Variants in LEMD3 observed in about 807,000 individuals in gnomAD.
LEMD3 encodes LEM domain containing 3, also known as inner nuclear membrane protein Man1.
LEMD3 carries 33 observed loss-of-function variants against 95.2 expected under a neutral mutation model. The observed-to-expected ratio is 0.35, with a 90% confidence interval of 0.26 to 0.46. The LOEUF is 0.46. LEMD3 is among the 20% of genes least tolerant of loss of function. LEMD3 has a pLI of 1.00. For missense variants in LEMD3, 1,210 were observed against 1,192.8 expected (o/e 1.01, Z -0.21); for synonymous variants, 525 against 474.6 (o/e 1.11, Z -1.38).
At chr12:65,241,468 T>G (rs1003540090) in intron 9 of LEMD3, among the ~76,000 whole-genome samples, 1 of 151,692 alleles carries the variant, frequency 6.6e-6, no homozygotes, top group Non-Finnish European at 1.5e-5. Context: ...AGTCATAACT[T>G]TTTAACTGCT....
At chr12:65,212,640 C>G (rs1869977809) in intron 2 of LEMD3, among the ~76,000 whole-genome samples, 1 of 151,922 alleles carries the variant, frequency 6.6e-6, no homozygotes, top group Admixed American at 6.6e-5. Context: ...TAGAGTCACC[C>G]TATAGATTTT....
intron 9 of LEMD3, among the ~76,000 whole-genome samples, chr12:65,241,378 A>C (rs1253867726): frequency 6.6e-6 from 1 of 151,606 alleles, no homozygotes; most frequent in Non-Finnish European, 1.5e-5. Flanking sequence ...TTTTCATCTA[A>C]TTTCTTTATG....
intron 1 of LEMD3, among the ~76,000 whole-genome samples, chr12:65,182,093 A>G (rs1300707753): frequency 1.3e-5 from 2 of 152,186 alleles, no homozygotes; most frequent in African/African-American, 4.8e-5. Context: ...TGATTTGTCC[A>G]AGGTCCCACA....
intron 9 of LEMD3, among the ~76,000 whole-genome samples, chr12:65,242,741 G>C (rs1456578199): frequency 1.3e-5 from 2 of 151,920 alleles, no homozygotes; most frequent in African/African-American, 4.8e-5. Context: ...CCTTCTAACT[G>C]GTCATCTTGC....
intron 1 of LEMD3, among the ~76,000 whole-genome samples, chr12:65,190,813 A>C (rs1869217088): frequency 6.6e-6 from 1 of 152,212 alleles, no homozygotes; most frequent in Non-Finnish European, 1.5e-5. Context: ...TTGCCATAAA[A>C]ATAGAAATAC....
chr12:65,234,131 T>G (rs11175693), intron 4 of LEMD3, among the ~76,000 whole-genome samples: 1 of 152,294 alleles, frequency 6.6e-6, no homozygotes, highest in East Asian at 1.9e-4. Flanking sequence ...TGCCTTACCT[T>G]AGAGGTTAGC....
chr12:65,243,253 C>A, intron 9 of LEMD3, 135 bp from the exon 10 acceptor site: 1 of 669,236 alleles, frequency 1.5e-6, no homozygotes, highest in Non-Finnish European at 2.8e-6. Flanking sequence ...CTGTCTTACT[C>A]ACCTTAACAT....
At chr12:65,243,905 T>G (rs1323947905) in intron 10 of LEMD3, among the ~76,000 whole-genome samples, 1 of 152,218 alleles carries the variant, frequency 6.6e-6, no homozygotes, top group Non-Finnish European at 1.5e-5. Flanking sequence ...CCTGCTTCTC[T>G]ACAAAGTCCT....
At chr12:65,244,267 G>A (rs1289179453) in intron 10 of LEMD3, among the ~76,000 whole-genome samples, 7 of 142,390 alleles carry the variant, frequency 4.9e-5, no homozygotes, top group Admixed American at 1.4e-4. Context: ...GTGGGCACGC[G>A]CACACACACA....
chr12:65,226,021 T>G (rs901176966), intron 4 of LEMD3, among the ~76,000 whole-genome samples: 1 of 152,162 alleles, frequency 6.6e-6, no homozygotes, highest in Non-Finnish European at 1.5e-5. Flanking sequence ...ATGTCTAACT[T>G]TTTTCCTCCC....
At chr12:65,204,797 A>T (rs1340784420) in intron 1 of LEMD3, among the ~76,000 whole-genome samples, 4 of 152,150 alleles carry the variant, frequency 2.6e-5, no homozygotes, top group Non-Finnish European at 5.9e-5. Context: ...CTTCATAAGG[A>T]CTTGTTGAAA....
At chr12:65,207,066 A>G (rs1381082711) in intron 1 of LEMD3, among the ~76,000 whole-genome samples, 1 of 152,154 alleles carries the variant, frequency 6.6e-6, no homozygotes, top group Non-Finnish European at 1.5e-5. Context: ...GTCTGCAAAA[A>G]TAGGGCTAAT....
At chr12:65,209,462 G>A (rs908765728) in intron 1 of LEMD3, among the ~76,000 whole-genome samples, 5 of 151,932 alleles carry the variant, frequency 3.3e-5, no homozygotes, top group African/African-American at 1.2e-4. Context: ...AAATGACAAG[G>A]CATTTTTTTG....
chr12:65,180,429 G>T (rs925062992), intron 1 of LEMD3, among the ~76,000 whole-genome samples: 1 of 150,312 alleles, frequency 6.7e-6, no homozygotes, highest in African/African-American at 2.4e-5. Flanking sequence ...TTACCAGGAA[G>T]AAAATAAGTT....
chr12:65,189,718 C>T (rs1869179471), intron 1 of LEMD3, among the ~76,000 whole-genome samples: 1 of 152,158 alleles, frequency 6.6e-6, no homozygotes, highest in African/African-American at 2.4e-5. Context: ...TAGGTCTAGT[C>T]TCATTAAACT....
chr12:65,238,139 G>A (rs1870824791), intron 4 of LEMD3, among the ~76,000 whole-genome samples: 1 of 152,050 alleles, frequency 6.6e-6, no homozygotes, highest in Non-Finnish European at 1.5e-5. Context: ...GCTGGGCCTG[G>A]TAGCTGATGC....
At chr12:65,231,636 T>TC (rs1870632691) in intron 4 of LEMD3, among the ~76,000 whole-genome samples, 1 of 151,910 alleles carries the variant, frequency 6.6e-6, no homozygotes, top group South Asian at 2.1e-4. Flanking sequence ...ACCACTACAC[T>TC]CCAGCCTGGA....
rs750988811 is a variant in LEMD3 at position 65,170,483 on chromosome 12, C to A, written c.887C>A (p.Pro296Gln). The A allele has an allele frequency of 1.1e-5, 18 of 1,613,888 alleles. No individual in the cohort carries two copies. In the African/African-American group the frequency reaches 2.0e-4, roughly 18 times the overall value. Residue 296 changes from proline (P) to glutamine (Q), a missense_variant, in exon 1 of 13, where the codon CCG (proline) becomes CAG (glutamine). By Grantham distance (76) the Pro-to-Gln change is moderately conservative. Coordinates refer to ENST00000308330, the MANE Select transcript of LEMD3 (RefSeq NM_014319.5). Reference sequence around the variant, plus strand: ...CGAACCCATAGTAAGCCTCTCCCCCCGCTGACTGCTAAATCGGCCGGCGGC... The same window carrying A: ...CGAACCCATAGTAAGCCTCTCCCCCAGCTGACTGCTAAATCGGCCGGCGGC... ...PRRTHSKPLPPLTAKSAGGRL... is the reference protein window; with the variant it reads ...PRRTHSKPLPQLTAKSAGGRL...
At chr12:65,189,024 A>G (rs1472645328) in intron 1 of LEMD3, among the ~76,000 whole-genome samples, 1 of 152,140 alleles carries the variant, frequency 6.6e-6, no homozygotes, top group Non-Finnish European at 1.5e-5. Flanking sequence ...CAAACCCTAT[A>G]TATACTATGT....
Sources: gnomAD v4.1 joint callset for allele counts (sites outside exome capture counted in the v4.1 genomes callset) on GRCh38, gnomAD v4.1.1 for gene constraint, MANE v1.5 for transcripts, NCBI Gene and HGNC (gene_info 2026-07-23, HGNC 2026-07-21) for gene names.